Variants in SLC6A17 observed in about 807,000 individuals in gnomAD.
SLC6A17 encodes solute carrier family 6 member 17, also known as sodium-dependent neutral amino acid transporter SLC6A17.
SLC6A17 carries 21 observed loss-of-function variants against 64.5 expected under a neutral mutation model. The ratio of observed to expected loss-of-function variants is 0.33; its 90% confidence interval spans 0.23 to 0.47. The LOEUF (loss-of-function observed/expected upper bound fraction) is 0.47, where lower values mean the gene tolerates loss of function less well. Ranked by LOEUF, SLC6A17 falls within the 20% of genes least tolerant of loss-of-function variation. The pLI is 1.00. For missense variants in SLC6A17, 682 were observed against 963.2 expected, an observed-to-expected ratio of 0.71 and a Z score of 3.86; for synonymous variants, 372 against 399.5, an observed-to-expected ratio of 0.93 and a Z score of 0.82.
chr1:110,160,504 T>C (rs1655877679), intron 1 of SLC6A17, among the ~76,000 whole-genome samples: 1 of 152,240 alleles, frequency 6.6e-6, no homozygotes. Context: ...CAAAGCTGAA[T>C]GCACCTTCGC....
chr1:110,175,726 A>G (rs1176392010), intron 5 of SLC6A17, among the ~76,000 whole-genome samples: 1 of 152,222 alleles, frequency 6.6e-6, no homozygotes, highest in East Asian at 1.9e-4. Context: ...AGATTTGATG[A>G]GCAAGGAAGC....
chr1:110,187,772 G>A (rs560655542), intron 6 of SLC6A17, among the ~76,000 whole-genome samples: 1 of 152,334 alleles, frequency 6.6e-6, no homozygotes, highest in South Asian at 2.1e-4. Context: ...CCAGGCATAA[G>A]TCACCCTTAT....
At chr1:110,167,896 C>A (rs1656110454) in intron 2 of SLC6A17, among the ~76,000 whole-genome samples, 1 of 152,172 alleles carries the variant, frequency 6.6e-6, no homozygotes, top group Admixed American at 6.5e-5. Context: ...AGTCAGGATG[C>A]AAACCTGGAC....
At chr1:110,165,476 T>A (rs971385331) in intron 1 of SLC6A17, among the ~76,000 whole-genome samples, 1 of 152,124 alleles carries the variant, frequency 6.6e-6, no homozygotes, top group African/African-American at 2.4e-5. Flanking sequence ...GAGGGGGCAG[T>A]CACTAAAGAC....
rs1656848448 is a variant in SLC6A17, at chr1:110,192,317, A to T, written c.1106+104A>T. The T allele has an allele frequency of 6.6e-7, 1 of 1,513,866 alleles. No individual in the cohort carries two copies. The highest frequency in any genetic ancestry group is 8.9e-7 in the Non-Finnish European group (1 of 1,117,848). 93.8% of individuals were successfully genotyped at this position (1,513,866 alleles called of 1,614,324 possible). A position where few individuals can be genotyped will look rare whatever the true frequency, so the allele number is the denominator to read the frequency against. ...GTGCATGGGGAGAGAGGTCCCCTCC[A>T]CTCAGACTGAGGAATGGAGATCAGA... On this transcript the variant is annotated intron_variant, in intron 7 of 11. Coordinates refer to ENST00000331565, the MANE Select transcript of SLC6A17 (RefSeq NM_001010898.4). This position sits in a 1 kb window ranked among gnomAD's most constrained non-coding sequence, Gnocchi z 4.3.
chr1:110,153,267 A>G (rs761788614), intron 1 of SLC6A17, among the ~76,000 whole-genome samples: 7 of 152,144 alleles, frequency 4.6e-5, no homozygotes, highest in Non-Finnish European at 1.0e-4. Flanking sequence ...CATTCTATCC[A>G]TAATAGAATT....
chr1:110,150,977 C>T (rs1019806163), intron 1 of SLC6A17, 94 bp downstream of exon 1: 1 of 152,170 alleles, frequency 6.6e-6, no homozygotes, highest in Non-Finnish European at 1.5e-5. Context: ...GGGCTGAGGA[C>T]CAAGGTGTGA....
chr1:110,167,337 C>T (rs1229074486), intron 2 of SLC6A17, 122 bp downstream of exon 2: 19 of 1,204,554 alleles, frequency 1.6e-5, no homozygotes, highest in Non-Finnish European at 2.0e-5. Flanking sequence ...CTCAGGATTC[C>T]AGAGTAAGAC....
In SLC6A17 at chr1:110,197,104, G is replaced by A. The variant is rs369620279; in HGVS notation, c.1653-333G>A. On this transcript the variant is annotated intron_variant, in intron 10 of 11. Coordinates refer to ENST00000331565, the MANE Select transcript of SLC6A17 (RefSeq NM_001010898.4). ...GCTTTTCCAGCAGGGGGAGCCTTCAGCCAGGCCAGTGTGAAAGGGCTAGGC... is the reference window on the plus strand; with the variant it reads ...GCTTTTCCAGCAGGGGGAGCCTTCAACCAGGCCAGTGTGAAAGGGCTAGGC... 4.6e-5 allele frequency among the ~76,000 whole-genome samples: 7 copies of A among 152,200 alleles called. No individual in the cohort carries two copies. In the East Asian group the frequency reaches 5.8e-4, roughly 13 times the overall value.
rs944468755 is a variant in SLC6A17 at position 110,166,816 on chromosome 1, T to C, written c.-87-27T>C. The stretch of plus-strand genomic sequence containing the variant: ...TCACCTTCCTGGTGTGGTCAGATAA[T>C]CCTTTACTGCTCACCTGGTTTCCTA... On this transcript the variant is annotated intron_variant, in intron 1 of 11. Coordinates refer to ENST00000331565, the MANE Select transcript of SLC6A17 (RefSeq NM_001010898.4). The C allele has an allele frequency of 6.6e-6, 9 of 1,373,366 alleles. No individual in the cohort carries two copies. In the African/African-American group the frequency reaches 1.0e-4, roughly 16 times the overall value. The allele number at this position is 1,373,366 out of a possible 1,614,324, so 85.1% of individuals were successfully genotyped here.
intron 6 of SLC6A17, among the ~76,000 whole-genome samples, chr1:110,191,074 A>G (rs185386609): frequency 6.6e-6 from 1 of 152,314 alleles, no homozygotes; most frequent in African/African-American, 2.4e-5. Flanking sequence ...ACTTGTTGCT[A>G]TACATTTGAT....
intron 9 of SLC6A17, 78 bp from the exon 10 acceptor site, chr1:110,195,508 C>T: frequency 6.4e-7 from 1 of 1,553,024 alleles, no homozygotes; most frequent in Non-Finnish European, 8.8e-7. Flanking sequence ...ATGGGAGGGG[C>T]CTGGGTGCCC....
chr1:110,167,290 T>A, intron 2 of SLC6A17, 75 bp downstream of exon 2: 1 of 1,519,748 alleles, frequency 6.6e-7, no homozygotes, highest in Non-Finnish European at 8.8e-7. Context: ...AGAACACCCC[T>A]TTGCTGAGGC....
At chr1:110,155,566 A>T (rs1655733448) in intron 1 of SLC6A17, among the ~76,000 whole-genome samples, 1 of 152,154 alleles carries the variant, frequency 6.6e-6, no homozygotes, top group Non-Finnish European at 1.5e-5. Context: ...AGTGAGGCAC[A>T]TATAGAGCAG....
At chr1:110,170,290 C>G (rs1205963365) in intron 2 of SLC6A17, among the ~76,000 whole-genome samples, 1 of 152,126 alleles carries the variant, frequency 6.6e-6, no homozygotes, top group East Asian at 1.9e-4. Context: ...CGAGACCATC[C>G]TGGCTAACAT....
chr1:110,174,640 C>A, intron 4 of SLC6A17, 139 bp from the exon 5 acceptor site: 1 of 1,075,960 alleles, frequency 9.3e-7, no homozygotes, highest in Non-Finnish European at 1.3e-6. Flanking sequence ...CCCGGCTAAC[C>A]CAAGATGAGC....
At chr1:110,190,830 T>TGGGGCC (rs1656805776) in intron 6 of SLC6A17, among the ~76,000 whole-genome samples, 1 of 149,622 alleles carries the variant, frequency 6.7e-6, no homozygotes, top group Admixed American at 6.6e-5. Context: ...GAGTTGGTGC[T>TGGGGCC]GGGGCCGGGG....
Position 110,150,572 on chromosome 1 carries a change from C to G in SLC6A17, c.-399C>G, listed in dbSNP as rs879539220. 2.0e-5 allele frequency: 3 copies of G among 152,326 alleles called. No individual in the cohort carries two copies. The highest frequency in any genetic ancestry group is 4.4e-5 in the Non-Finnish European group (3 of 68,106). The allele number at this position is 152,326 out of a possible 1,614,324, so 9.4% of individuals were successfully genotyped here. ...CTCCGCAGAGCCGGCGCTGCCAGGG[C>G]GCAGGGAGGGCGGCACTCGGCCCCA... On this transcript the variant is annotated 5_prime_UTR_variant, in exon 1 of 12. Coordinates refer to ENST00000331565, the MANE Select transcript of SLC6A17 (RefSeq NM_001010898.4).
chr1:110,154,134 G>C (rs900006607), intron 1 of SLC6A17, among the ~76,000 whole-genome samples: 1 of 152,208 alleles, frequency 6.6e-6, no homozygotes, highest in African/African-American at 2.4e-5. Flanking sequence ...GTTGCTTATT[G>C]AGGCTTCTGT....
Sources: gnomAD v4.1 joint callset for allele counts (sites outside exome capture counted in the v4.1 genomes callset) on GRCh38, gnomAD v4.1.1 for gene constraint, Gnocchi (gnomAD v3.1) non-coding constraint, MANE v1.5 for transcripts, NCBI Gene and HGNC (gene_info 2026-07-23, HGNC 2026-07-21) for gene names.